Variants in DCT observed in about 807,000 individuals in gnomAD.
DCT encodes L-dopachrome tautomerase.
DCT carries 47 observed loss-of-function variants against 53.0 expected under a neutral mutation model. The ratio of observed to expected loss-of-function variants is 0.89; its 90% CI spans 0.70 to 1.13. DCT has a LOEUF of 1.13. Among genes scored for constraint, DCT ranks in the 50% most tolerant of loss-of-function variants. The pLI, the probability that DCT is intolerant of heterozygous loss-of-function variation, is 0.00. For missense variants in DCT, 669 were observed against 637.4 expected (o/e 1.05, Z -0.53); for synonymous variants, 244 against 237.0 (o/e 1.03, Z -0.27).
the DCT span, among the ~76,000 whole-genome samples, chr13:94,545,829 A>AC: frequency 6.6e-6 from 1 of 151,806 alleles, no homozygotes; most frequent in Non-Finnish European, 1.5e-5. Context: ...CCTCCCTGTC[A>AC]CAAGACCTGA....
Position 94,468,763 on chromosome 13 carries a change from A to G in DCT, c.578T>C (p.Val193Ala), listed in dbSNP as rs1201588912. 6.2e-7 allele frequency: 1 copy of G among 1,613,920 alleles called. No individual in the cohort carries two copies. The highest frequency in any genetic ancestry group is 8.5e-7 in the Non-Finnish European group (1 of 1,179,990). Residue 193 changes from valine to alanine, a missense_variant, in exon 2 of 8, where the codon GTT becomes GCT. Coordinates refer to ENST00000377028, the MANE Select transcript of DCT (RefSeq NM_001922.5). ...DFFVWLHYYS[V>A]RDTLLGPGRP... ...AAACCCACCTAATAATGTATCTCTA[A>G]CAGAATAATAATGGAGCCACACAAA...
chr13:94,537,437 A>T, the DCT span, among the ~76,000 whole-genome samples: 2 of 152,212 alleles, frequency 1.3e-5, no homozygotes, highest in Non-Finnish European at 2.9e-5. Flanking sequence ...TTACAACCTA[A>T]ATTAACCCAA....
chr13:94,439,243 C>G lies in DCT; in HGVS notation c.*655G>C, dbSNP rs1882100792. The G allele has an allele frequency of 6.6e-6, 1 of 152,292 alleles. No homozygotes were observed. Among genetic ancestry groups the G allele is most frequent in the Non-Finnish European group, 1.5e-5 (1 of 68,212 alleles). 9.4% of individuals were successfully genotyped at this position (152,292 alleles called of 1,614,324 possible). A position where few individuals can be genotyped will look rare whatever the true frequency, so the allele number is the denominator to read the frequency against. On this transcript the variant is annotated 3_prime_UTR_variant, in exon 8 of 8. Coordinates refer to ENST00000377028, the MANE Select transcript of DCT (RefSeq NM_001922.5). The stretch of plus-strand genomic sequence containing the variant: ...TAAAATCCGTAAAATCTAGTTTACA[C>G]AATAGAGTGGAATTGATCCTTCATT...
chr13:94,471,655 T>C (rs981360626), intron 1 of DCT, among the ~76,000 whole-genome samples: 1 of 152,216 alleles, frequency 6.6e-6, no homozygotes, highest in Non-Finnish European at 1.5e-5. Context: ...TCACCTACTA[T>C]GACAGTACAG....
the DCT span, among the ~76,000 whole-genome samples, chr13:94,537,641 AAC>A: frequency 6.6e-5 from 10 of 152,180 alleles, no homozygotes; most frequent in Admixed American, 1.3e-4. Context: ...GAGAAAAAAA[AAC>A]AAATAAAAAC....
At chr13:94,512,415 C>T in the DCT span, among the ~76,000 whole-genome samples, 10 of 152,246 alleles carry the variant, frequency 6.6e-5, 1 homozygote, top group South Asian at 2.1e-3. Context: ...GGCAAAACTA[C>T]CACCCAAAGA....
At chr13:94,508,493 G>C in the DCT span, among the ~76,000 whole-genome samples, 1 of 152,106 alleles carries the variant, frequency 6.6e-6, no homozygotes, top group Admixed American at 6.5e-5. Flanking sequence ...GAAAGAGGAA[G>C]AGAGGAAAGA....
the DCT span, among the ~76,000 whole-genome samples, chr13:94,494,519 C>G: frequency 6.6e-6 from 1 of 152,056 alleles, no homozygotes; most frequent in East Asian, 1.9e-4. Flanking sequence ...CTGCTGTATA[C>G]CCATTCTCCT....
intron 4 of DCT, among the ~76,000 whole-genome samples, chr13:94,463,959 T>C (rs905161164): frequency 1.3e-5 from 2 of 152,222 alleles, no homozygotes; most frequent in Non-Finnish European, 2.9e-5. Flanking sequence ...CATTTATCTA[T>C]GGAAAGCTTG....
intron 1 of DCT, among the ~76,000 whole-genome samples, chr13:94,471,345 T>C (rs907504750): frequency 1.2e-4 from 19 of 152,186 alleles, no homozygotes; most frequent in African/African-American, 3.9e-4. Context: ...AGCTCAATTA[T>C]CTGTATTTTT....
chr13:94,487,559 A>G, the DCT span, among the ~76,000 whole-genome samples: 4 of 152,200 alleles, frequency 2.6e-5, no homozygotes, highest in Non-Finnish European at 5.9e-5. Flanking sequence ...GGAGGAAGAA[A>G]TGGCTCAAAG....
intron 3 of DCT, 66 bp from the exon 4 acceptor site, chr13:94,465,865 G>C: frequency 7.2e-7 from 1 of 1,397,216 alleles, no homozygotes; most frequent in Non-Finnish European, 9.9e-7. Flanking sequence ...AAGCATACAA[G>C]GCAAAGGCTG....
chr13:94,442,378 C>T (rs1428007117), intron 7 of DCT, among the ~76,000 whole-genome samples: 5 of 152,140 alleles, frequency 3.3e-5, no homozygotes, highest in East Asian at 3.9e-4. Flanking sequence ...ACAAACAGGG[C>T]TCACTGTAGC....
At chr13:94,535,890 C>T in the DCT span, among the ~76,000 whole-genome samples, 2 of 152,156 alleles carry the variant, frequency 1.3e-5, no homozygotes, top group South Asian at 2.1e-4. Flanking sequence ...CGTAGCCCCT[C>T]CCAGGTTTCC....
intron 1 of DCT, among the ~76,000 whole-genome samples, chr13:94,478,157 G>GC (rs1186808775): frequency 2.8e-3 from 169 of 61,058 alleles, no homozygotes; most frequent in African/African-American, 6.1e-3. Context: ...CCCCCCGCCC[G>GC]CCCCCCCCAC....
At chr13:94,454,651 G>C (rs967718078) in intron 6 of DCT, among the ~76,000 whole-genome samples, 1 of 152,042 alleles carries the variant, frequency 6.6e-6, no homozygotes, top group African/African-American at 2.4e-5. Flanking sequence ...TGCTTGGAGA[G>C]ATTTCACAAA....
At chr13:94,541,673 T>TA in the DCT span, among the ~76,000 whole-genome samples, 1 of 151,974 alleles carries the variant, frequency 6.6e-6, no homozygotes, top group Non-Finnish European at 1.5e-5. Flanking sequence ...ATTCGAGGAG[T>TA]GGATTTGGAA....
intron 1 of DCT, among the ~76,000 whole-genome samples, chr13:94,476,643 T>C (rs1190467149): frequency 6.6e-6 from 1 of 151,922 alleles, no homozygotes; most frequent in Admixed American, 6.6e-5. Flanking sequence ...ACCTCGCTAA[T>C]TTTTGTATTT....
At chr13:94,499,945 C>A in the DCT span, among the ~76,000 whole-genome samples, 35,724 of 152,030 alleles carry the variant, frequency 0.23, 4,500 homozygotes, top group South Asian at 0.33. Context: ...TTTAATATAC[C>A]TATATGTTGT....
Sources: gnomAD v4.1 joint callset for allele counts (sites outside exome capture counted in the v4.1 genomes callset) on GRCh38, gnomAD v4.1.1 for gene constraint, MANE v1.5 for transcripts, NCBI Gene and HGNC (gene_info 2026-07-23, HGNC 2026-07-21) for gene names.